Variants in ACSM3 observed in about 807,000 individuals in gnomAD.
ACSM3 encodes acyl-coenzyme A synthetase ACSM3, mitochondrial.
In ACSM3, 61 loss-of-function variants were observed where a neutral mutation model predicts 74.1. The observed-to-expected ratio is 0.82, with a 90% CI of 0.67 to 1.02. The LOEUF is 1.02. ACSM3 is among the 50% of genes least tolerant of loss of function. The pLI, the probability that ACSM3 is intolerant of heterozygous loss-of-function variation, is 0.00. For synonymous variants in ACSM3, 213 were observed against 241.5 expected, an observed-to-expected ratio of 0.88 and a Z score of 1.09; for missense variants, 660 against 697.0, an observed-to-expected ratio of 0.95 and a Z score of 0.60.
intron 1 of ACSM3, chr16:20,741,694 G>C: frequency 3.2e-6 from 5 of 1,578,610 alleles, no homozygotes; most frequent in Non-Finnish European, 4.3e-6. Flanking sequence ...TTGCCTTTGC[G>C]CTTCCCGCCG....
upstream of ACSM3, among the ~76,000 whole-genome samples, chr16:20,759,419 G>T (rs2080058333): frequency 6.6e-6 from 1 of 152,110 alleles, no homozygotes; most frequent in Non-Finnish European, 1.5e-5. Context: ...AATTAGCCAA[G>T]TGTGGTGGTG....
chr16:20,763,975 C>G (rs2080098567), upstream of ACSM3: 1 of 152,260 alleles, frequency 6.6e-6, no homozygotes, highest in Non-Finnish European at 1.5e-5. Flanking sequence ...GTGTTTTGGG[C>G]CAGTCTTGCT....
chr16:20,737,387 C>A, intron 1 of ACSM3: 5 of 1,186,908 alleles, frequency 4.2e-6, no homozygotes, highest in Non-Finnish European at 5.8e-6. Flanking sequence ...ACAAGACATA[C>A]AGTAATCCAC....
chr16:20,730,705 A>G (rs1021589), intron 1 of ACSM3, among the ~76,000 whole-genome samples: 64,909 of 152,050 alleles, frequency 0.43, 16,403 homozygotes, highest in Non-Finnish European at 0.58. Flanking sequence ...GTAACCACCA[A>G]TTAGAATCAA....
chr16:20,761,138 A>C (rs1235516058), upstream of ACSM3, among the ~76,000 whole-genome samples: 1 of 151,500 alleles, frequency 6.6e-6, no homozygotes, highest in Non-Finnish European at 1.5e-5. Flanking sequence ...TCTGTCGCCC[A>C]GGCTGGAGTG....
chr16:20,737,335 C>T (rs758399656), intron 1 of ACSM3: 19 of 1,523,346 alleles, frequency 1.2e-5, no homozygotes, highest in Middle Eastern at 3.5e-4. Context: ...ACCATTACAT[C>T]TGATAGATAC....
intron 1 of ACSM3, chr16:20,682,140 G>A (rs563320073): frequency 7.3e-6 from 7 of 958,232 alleles, no homozygotes; most frequent in Non-Finnish European, 1.1e-5. Flanking sequence ...AATCTGACTG[G>A]GCTGGTGCAC....
intron 3 of ACSM3, chr16:20,755,627 T>TTTATTATTATTATTATTATTATTA (rs71149182): frequency 1.6e-3 from 232 of 146,120 alleles, no homozygotes; most frequent in African/African-American, 5.7e-3. Flanking sequence ...GTAAGTGCTT[T>TTTATTATTATTATTATTATTATTA]TTATTATTAT....
At chr16:20,696,633 T>C (rs2079691450) in intron 1 of ACSM3, among the ~76,000 whole-genome samples, 1 of 152,252 alleles carries the variant, frequency 6.6e-6, no homozygotes, top group South Asian at 2.1e-4. Context: ...GCACATCCTA[T>C]GAAATCATTT....
chr16:20,691,760 T>C (rs879537862), intron 1 of ACSM3, among the ~76,000 whole-genome samples: 6,043 of 42,668 alleles, frequency 0.14, 143 homozygotes, highest in Middle Eastern at 0.29. Flanking sequence ...AATGTGTGTG[T>C]GTGTGTGTGT....
intron 1 of ACSM3, among the ~76,000 whole-genome samples, chr16:20,716,828 G>T (rs2079763444): frequency 6.6e-6 from 1 of 152,092 alleles, no homozygotes; most frequent in Admixed American, 6.6e-5. Context: ...GACTCCGCCG[G>T]ACTTCGTAGC....
intron 1 of ACSM3, among the ~76,000 whole-genome samples, chr16:20,700,431 G>T (rs753162754): frequency 6.6e-6 from 1 of 151,994 alleles, no homozygotes; most frequent in Non-Finnish European, 1.5e-5. Flanking sequence ...AGGTGGCTAA[G>T]GATGTTCTCC....
intron 1 of ACSM3, among the ~76,000 whole-genome samples, chr16:20,677,624 C>T (rs1255132699): frequency 6.6e-6 from 1 of 152,144 alleles, no homozygotes. Flanking sequence ...GGGAGCCAGA[C>T]ATAGAATATT....
intron 1 of ACSM3, among the ~76,000 whole-genome samples, chr16:20,710,830 A>G (rs1477921908): frequency 1.3e-5 from 2 of 152,064 alleles, no homozygotes; most frequent in African/African-American, 4.8e-5. Context: ...CACACCTGTA[A>G]TCCCAGCACT....
chr16:20,720,249 A>C (rs574869571), intron 1 of ACSM3, among the ~76,000 whole-genome samples: 20 of 152,234 alleles, frequency 1.3e-4, no homozygotes, highest in Non-Finnish European at 2.4e-4. Context: ...ATAATTATAC[A>C]ACTTACCATA....
At chr16:20,755,784 C>G (rs1283240209) in intron 3 of ACSM3, among the ~76,000 whole-genome samples, 7 of 80,800 alleles carry the variant, frequency 8.7e-5, no homozygotes, top group Admixed American at 5.4e-4. Flanking sequence ...ATCCCTCCCC[C>G]CCCCCCACCC....
At position 20,789,429 on chromosome 16, in the gene ACSM3, A is replaced by G. The variant is rs1462284374; in HGVS notation, c.1225-1158A>G. 3.1e-6 allele frequency: 4 copies of G among 1,305,134 alleles called. No homozygotes were observed. The Admixed American group carries it at 6.9e-5, about 23-fold the overall frequency. The allele number at this position is 1,305,134 out of a possible 1,614,324, so 80.8% of individuals were successfully genotyped here. A position where few individuals can be genotyped will look rare whatever the true frequency, so the allele number is the denominator to read the frequency against. ...TAGCTACTGGTAGACACTTCAGGGA[A>G]TGATGAGGATTGGAGAGAGGGTAAG... On this transcript the variant is annotated intron_variant, in intron 9 of 13. Transcript: ENST00000289416.
At chr16:20,774,304 C>T (rs1266066704) in intron 2 of ACSM3, among the ~76,000 whole-genome samples, 6 of 146,790 alleles carry the variant, frequency 4.1e-5, no homozygotes, top group East Asian at 2.0e-4. Context: ...TGCAGTGGCA[C>T]GATCTCAGCT....
chr16:20,775,823 GTT>G lies in ACSM3; in HGVS notation c.220-12_220-11del. On this transcript the variant is annotated splice_polypyrimidine_tract_variant and intron_variant, in intron 2 of 13. Coordinates refer to ENST00000289416, the MANE Select transcript of ACSM3 (RefSeq NM_005622.4). The stretch of plus-strand genomic sequence containing the variant: ...ATAACAACCTTTAAATCAATGACTG[GTT>G]TTTCTTTCCTCAGGCTGGAAAGAAA... 6.2e-7 allele frequency: 1 copy of G among 1,613,380 alleles called. No individual in the cohort carries two copies.
Sources: gnomAD v4.1 joint callset for allele counts (sites outside exome capture counted in the v4.1 genomes callset) on GRCh38, gnomAD v4.1.1 for gene constraint, MANE v1.5 for transcripts, NCBI Gene and HGNC (gene_info 2026-07-23, HGNC 2026-07-21) for gene names.